Variants in ERAP1 observed in about 807,000 individuals in gnomAD.
The protein encoded by ERAP1 is adipocyte-derived leucine aminopeptidase.
ERAP1 carries 86 observed loss-of-function variants against 103.7 expected under a neutral mutation model. The observed-to-expected ratio is 0.83, with a 90% CI of 0.70 to 0.99. ERAP1 has a LOEUF of 0.99. Among genes scored for constraint, ERAP1 ranks in the 50% least tolerant of loss-of-function variants. The pLI is 0.00. For missense variants in ERAP1, 1,009 were observed against 1,128.4 expected (o/e 0.89, Z 1.52); for synonymous variants, 398 against 402.4 (o/e 0.99, Z 0.13).
chr5:96,784,202 T>A, intron 13 of ERAP1, 122 bp from the exon 14 acceptor site: 1 of 1,094,162 alleles, frequency 9.1e-7, no homozygotes, highest in Non-Finnish European at 1.4e-6. Flanking sequence ...CCCTTATAAA[T>A]AGATAACTAC....
At chr5:96,886,027 C>G in the ERAP1 span, among the ~76,000 whole-genome samples, 3 of 152,208 alleles carry the variant, frequency 2.0e-5, no homozygotes, top group African/African-American at 4.8e-5. Flanking sequence ...CAAGCTGTCA[C>G]GCAGCAAGTG....
chr5:96,836,932 C>G, the ERAP1 span, among the ~76,000 whole-genome samples: 8 of 151,972 alleles, frequency 5.3e-5, 1 homozygote, highest in African/African-American at 1.5e-4. Flanking sequence ...AATAGTTAAG[C>G]CTTGAGGTCA....
the ERAP1 span, among the ~76,000 whole-genome samples, chr5:96,907,270 T>C: frequency 5.3e-5 from 8 of 152,164 alleles, no homozygotes; most frequent in African/African-American, 1.9e-4. Flanking sequence ...ATTTTTTAAT[T>C]AAACAACTCA....
chr5:96,845,998 T>C, the ERAP1 span, among the ~76,000 whole-genome samples: 2 of 152,178 alleles, frequency 1.3e-5, no homozygotes, highest in African/African-American at 4.8e-5. Context: ...CAGTTATTGA[T>C]AAATATTAGA....
the ERAP1 span, among the ~76,000 whole-genome samples, chr5:96,933,211 CTT>C: frequency 8.1e-3 from 591 of 72,736 alleles, no homozygotes; most frequent in Non-Finnish European, 0.012. Context: ...AAAACCACGT[CTT>C]TTTTTTTTTT....
At chr5:96,870,465 G>A in the ERAP1 span, among the ~76,000 whole-genome samples, 2 of 151,776 alleles carry the variant, frequency 1.3e-5, no homozygotes, top group East Asian at 3.9e-4. Flanking sequence ...AATAAGATAC[G>A]AAATCATAGA....
At chr5:96,822,956 G>A in the ERAP1 span, 36 of 434,476 alleles carry the variant, frequency 8.3e-5, no homozygotes, top group African/African-American at 6.4e-4. Context: ...GACTGGAGAG[G>A]GATCCACTTT....
the ERAP1 span, chr5:96,913,568 C>A: frequency 7.9e-7 from 1 of 1,265,778 alleles, no homozygotes; most frequent in Non-Finnish European, 1.1e-6. Flanking sequence ...CCATTTGTAT[C>A]CAAATAGTTC....
the ERAP1 span, among the ~76,000 whole-genome samples, chr5:96,873,961 T>A: frequency 1.3e-5 from 2 of 151,848 alleles, no homozygotes; most frequent in Admixed American, 1.3e-4. Flanking sequence ...GGAGGAGTGG[T>A]ACTGCCTTAG....
At chr5:96,887,927 A>G in the ERAP1 span, among the ~76,000 whole-genome samples, 1 of 152,060 alleles carries the variant, frequency 6.6e-6, no homozygotes, top group East Asian at 1.9e-4. Flanking sequence ...GGAGTTTGAG[A>G]CCAGCCTGGC....
At chr5:96,882,366 G>A in the ERAP1 span, among the ~76,000 whole-genome samples, 10 of 152,154 alleles carry the variant, frequency 6.6e-5, no homozygotes, top group South Asian at 2.1e-4. Flanking sequence ...CATGCCTCCC[G>A]TGATTAATTG....
At chr5:96,858,217 CTT>C in the ERAP1 span, among the ~76,000 whole-genome samples, 768 of 136,992 alleles carry the variant, frequency 5.6e-3, 5 homozygotes, top group African/African-American at 0.016. Flanking sequence ...TGTTCTTCTT[CTT>C]TTTTTTTTTT....
At chr5:96,799,874 G>A (rs1016663633) in intron 3 of ERAP1, among the ~76,000 whole-genome samples, 6 of 152,330 alleles carry the variant, frequency 3.9e-5, no homozygotes, top group South Asian at 2.1e-4. Flanking sequence ...GCCCTCTGGC[G>A]TGGGGTGGGA....
the ERAP1 span, among the ~76,000 whole-genome samples, chr5:96,868,495 C>T: frequency 1.3e-5 from 2 of 152,176 alleles, no homozygotes; most frequent in Admixed American, 6.5e-5. Flanking sequence ...ATTTTCCCAA[C>T]ATTTGATAAA....
Position 96,803,600 on chromosome 5 carries a change from C to T in ERAP1, c.327G>A (p.Lys109=). 1 of 1,614,192 alleles carries T rather than the reference C, an allele frequency of 6.2e-7. No homozygotes were observed. The highest frequency in any genetic ancestry group is 8.5e-7 in the Non-Finnish European group (1 of 1,180,022). The change falls in exon 2 of 19, where the codon AAG becomes AAA. Residue 109 remains lysine (K), a synonymous_variant. Coordinates refer to ENST00000443439, the MANE Select transcript of ERAP1 (RefSeq NM_001040458.3). ...CTTCCGATAGCCTCTCTCCAGCTCC[C>T]TTCCTGAGGGTGGCCCTAGATATCT... The part of the protein sequence containing the change: ...HLQISRATLR[K]GAGERLSEEP...
chr5:96,914,994 T>C, the ERAP1 span, among the ~76,000 whole-genome samples: 1 of 152,064 alleles, frequency 6.6e-6, no homozygotes, highest in Admixed American at 6.6e-5. Context: ...AACATATGCA[T>C]ATAATTTTTT....
At chr5:96,831,132 G>A in the ERAP1 span, among the ~76,000 whole-genome samples, 13 of 152,168 alleles carry the variant, frequency 8.5e-5, no homozygotes, top group African/African-American at 2.9e-4. Flanking sequence ...TTCTGAGGAG[G>A]CCTCAGGAAC....
At chr5:96,771,123 T>A (rs755347914), downstream of ERAP1, among the ~76,000 whole-genome samples, 1 of 152,198 alleles carries the variant, frequency 6.6e-6, no homozygotes, top group Non-Finnish European at 1.5e-5. Context: ...ATTAAAATCT[T>A]CCTGTAGTAG....
the ERAP1 span, among the ~76,000 whole-genome samples, chr5:96,847,355 G>A: frequency 6.6e-6 from 1 of 152,066 alleles, no homozygotes; most frequent in African/African-American, 2.4e-5. Context: ...GGGAGACATG[G>A]ATGGCAGCAC....
Sources: gnomAD v4.1 joint callset for allele counts (sites outside exome capture counted in the v4.1 genomes callset) on GRCh38, gnomAD v4.1.1 for gene constraint, MANE v1.5 for transcripts, NCBI Gene and HGNC (gene_info 2026-07-23, HGNC 2026-07-21) for gene names.